The following RGS3 variants were observed in gnomAD, a reference collection of about 807,000 sequenced individuals.
RGS3 encodes regulator of G-protein signalling 3.
RGS3 carries 80 observed loss-of-function variants against 132.6 expected under a neutral mutation model. The observed-to-expected ratio is 0.60, with a 90% confidence interval of 0.50 to 0.73. The LOEUF is 0.73. Among genes scored for constraint, RGS3 ranks in the 30% least tolerant of loss-of-function variants. The probability of loss-of-function intolerance (pLI) is 0.00; values close to 1 mark genes in which losing one functional copy is unlikely to be tolerated. For synonymous variants in RGS3, 598 were observed against 620.6 expected, an observed-to-expected ratio of 0.96 and a Z score of 0.54; for missense variants, 1,382 against 1,530.8, an observed-to-expected ratio of 0.90 and a Z score of 1.62.
chr9:113,583,386 C>T, intron 19 of RGS3, 64 bp from the exon 18 acceptor site: 1 of 1,569,536 alleles, frequency 6.4e-7, no homozygotes, highest in Non-Finnish European at 8.6e-7. Context: ...TCAGCTCATG[C>T]ATGGTGTCTG....
chr9:113,499,099 C>T (rs1830782756), intron 10 of RGS3, among the ~76,000 whole-genome samples: 1 of 151,662 alleles, frequency 6.6e-6, no homozygotes, highest in Non-Finnish European at 1.5e-5. Context: ...TGGTGGTGTG[C>T]ACCTGTAGTC....
chr9:113,454,619 A>G (rs945202505), intron 1 of RGS3, among the ~76,000 whole-genome samples: 3 of 151,910 alleles, frequency 2.0e-5, no homozygotes, highest in African/African-American at 7.3e-5. Context: ...AAAACAAAAC[A>G]AAACAAAACA....
rs759253261 is a variant in RGS3, at chr9:113,584,321, C to T, written c.2909C>T (p.Ala970Val). ...TTGCACTGCTCAGACGGTGAGGGCGCCGCCTCCACCTGGGGCATGCCTTCG... is the reference window on the plus strand; with the variant it reads ...TTGCACTGCTCAGACGGTGAGGGCGTCGCCTCCACCTGGGGCATGCCTTCG... The change falls in exon 20 of 25, where the codon GCC becomes GTC. Residue 970 changes from alanine (A) to valine (V), a missense_variant. Ala to Val is a moderately conservative substitution (Grantham distance 64, BLOSUM62 0). Coordinates refer to ENST00000350696, the Ensembl canonical transcript of RGS3. The T allele has an allele frequency of 1.9e-6, 3 of 1,601,808 alleles. No individual in the cohort carries two copies. The highest frequency in any genetic ancestry group is 2.7e-5 in the African/African-American group (2 of 74,790).
In RGS3 at chr9:113,537,015, G is replaced by C. The variant is rs754128537; in HGVS notation, c.2037+97G>C. The C allele has an allele frequency of 8.2e-7, 1 of 1,225,310 alleles. No individual in the cohort carries two copies. The highest frequency in any genetic ancestry group is 1.5e-5 in the African/African-American group (1 of 66,666). 75.9% of individuals were successfully genotyped at this position (1,225,310 alleles called of 1,614,324 possible). A position where few individuals can be genotyped will look rare whatever the true frequency, so the allele number is the denominator to read the frequency against. On this transcript the variant is annotated intron_variant, in intron 19 of 24. Coordinates refer to ENST00000350696, the Ensembl canonical transcript of RGS3. This position sits in a 1 kb window ranked among gnomAD's most constrained non-coding sequence, Gnocchi z 4.3. ...TGCATTGAGCTGGGGGCCAGCCTGAGCTTCCAACTTGGCTCTGGGCAATGA... is the reference window on the plus strand; with the variant it reads ...TGCATTGAGCTGGGGGCCAGCCTGACCTTCCAACTTGGCTCTGGGCAATGA...
chr9:113,576,404 T>G (rs1834526452), intron 19 of RGS3, among the ~76,000 whole-genome samples: 1 of 150,008 alleles, frequency 6.7e-6, no homozygotes, highest in Non-Finnish European at 1.5e-5. Context: ...TGATCTTGGC[T>G]CACTGCAACC....
At chr9:113,484,084 G>C in intron 5 of RGS3, 54 bp from the exon 4 acceptor site, 1 of 1,078,494 alleles carries the variant, frequency 9.3e-7, no homozygotes, top group Non-Finnish European at 1.4e-6. Context: ...TCAGCTGCTG[G>C]GCTTAGGTGG....
At chr9:113,513,221 CA>C in intron 14 of RGS3, among the ~76,000 whole-genome samples, 1 of 152,096 alleles carries the variant, frequency 6.6e-6, no homozygotes, top group Admixed American at 6.5e-5. Context: ...AAAACAACAA[CA>C]AAAACGTGTG....
chr9:113,561,400 GTCTC>G (rs138650439), intron 19 of RGS3, among the ~76,000 whole-genome samples: 17,604 of 141,980 alleles, frequency 0.12, 1,225 homozygotes, highest in African/African-American at 0.2. Flanking sequence ...CCCTCTTTCT[GTCTC>G]TCTCTCTCTC....
chr9:113,597,176 G>T, exon 25 of RGS3: 1 of 488,448 alleles, frequency 2.0e-6, no homozygotes, highest in Non-Finnish European at 3.6e-6. Flanking sequence ...CGGTACGAGG[G>T]GGCCCAAGAC....
At chr9:113,522,995 C>A in exon 17 of RGS3, 3 of 1,614,090 alleles carry the variant, frequency 1.9e-6, no homozygotes, top group South Asian at 1.1e-5. Context: ...GCCGCTGCGA[C>A]GTCCTGAGGA....
intron 3 of RGS3, among the ~76,000 whole-genome samples, chr9:113,464,431 T>C (rs1829560746): frequency 6.6e-6 from 1 of 152,164 alleles, no homozygotes; most frequent in African/African-American, 2.4e-5. Flanking sequence ...GGGTTTGAGG[T>C]GGAAAGAAGT....
chr9:113,570,799 G>A (rs916758193), intron 19 of RGS3, among the ~76,000 whole-genome samples: 5 of 152,122 alleles, frequency 3.3e-5, no homozygotes, highest in African/African-American at 9.7e-5. Context: ...ACCATGCCCG[G>A]CTAATTTTTG....
chr9:113,560,740 T>C (rs2118812583), intron 19 of RGS3, among the ~76,000 whole-genome samples: 1 of 152,348 alleles, frequency 6.6e-6, no homozygotes, highest in South Asian at 2.1e-4. Flanking sequence ...GCTCAGAGCT[T>C]TCTAAGTGAG....
At chr9:113,541,356 G>A in intron 19 of RGS3, 2 of 1,613,830 alleles carry the variant, frequency 1.2e-6, no homozygotes, top group Non-Finnish European at 1.7e-6. Context: ...GCAGGAGATG[G>A]GGCCGGTCAA....
intron 10 of RGS3, among the ~76,000 whole-genome samples, chr9:113,500,211 T>A (rs1830827466): frequency 6.6e-6 from 1 of 152,206 alleles, no homozygotes; most frequent in African/African-American, 2.4e-5. Flanking sequence ...AGGGTGTGCT[T>A]CTCAGAGGCT....
rs376085135 is a variant in RGS3, at chr9:113,482,163, C to G, written c.467-896C>G. On this transcript the variant is annotated intron_variant, in intron 4 of 24. Transcript: ENST00000350696. Reference sequence around the variant, plus strand: ...TCTATTGTCTTCTTTCTATAGACCTCAGGCAAATGGTGCTGCCTACTCTTG... The same window carrying G: ...TCTATTGTCTTCTTTCTATAGACCTGAGGCAAATGGTGCTGCCTACTCTTG... Among the ~76,000 whole-genome samples the G allele has an allele frequency of 4.6e-5, 7 of 152,198 alleles. 1 individual carries two copies. The East Asian group carries it at 1.4e-3, about 29-fold the overall frequency.
At chr9:113,581,206 C>T in intron 19 of RGS3, 1 of 161,082 alleles carries the variant, frequency 6.2e-6, no homozygotes, top group Non-Finnish European at 1.3e-5. Context: ...AAGAACAGGG[C>T]CAGAAGGCCT....
At chr9:113,595,603 G>A in exon 24 of RGS3, 1 of 1,614,148 alleles carries the variant, frequency 6.2e-7, no homozygotes, top group Non-Finnish European at 8.5e-7. Context: ...TCACAGACGG[G>A]TTAGCAGTGT....
At chr9:113,533,412 G>A (rs750014675) in intron 18 of RGS3, among the ~76,000 whole-genome samples, 1 of 152,106 alleles carries the variant, frequency 6.6e-6, no homozygotes, top group Non-Finnish European at 1.5e-5. Context: ...TGTGTTTTTA[G>A]TAGAGACGGG....
Sources: allele counts gnomAD v4.1 joint callset (sites outside exome capture counted in the v4.1 genomes callset), GRCh38; gene constraint gnomAD v4.1.1; non-coding constraint Gnocchi (gnomAD v3.1); transcripts MANE v1.5; gene names NCBI Gene and HGNC (gene_info 2026-07-23, HGNC 2026-07-21).